Variants in JAK2 observed in about 807,000 individuals in gnomAD.
JAK2 encodes the protein Janus kinase 2, also known as tyrosine-protein kinase JAK2.
In JAK2, 86 loss-of-function variants were observed where a neutral mutation model predicts 139.3. That is an observed-to-expected ratio of 0.62 (90% CI 0.52 to 0.74). The LOEUF (loss-of-function observed/expected upper bound fraction) is 0.74. Ranked by LOEUF, JAK2 falls within the 30% of genes least tolerant of loss-of-function variation. The probability of loss-of-function intolerance (pLI) is 0.00; values close to 1 mark genes in which losing one functional copy is unlikely to be tolerated. For missense variants in JAK2, 1,421 were observed against 1,360.3 expected, an observed-to-expected ratio of 1.04 and a Z score of -0.70; for synonymous variants, 490 against 437.7, an observed-to-expected ratio of 1.12 and a Z score of -1.49.
chr9:5,112,503 T>C (rs1822694009), intron 22 of JAK2: 1 of 558,586 alleles, frequency 1.8e-6, no homozygotes, highest in Non-Finnish European at 3.2e-6. Flanking sequence ...AGGAGGAAGA[T>C]GACCTTTTCC....
intron 10 of JAK2, among the ~76,000 whole-genome samples, chr9:5,068,762 G>C (rs1818743766): frequency 6.6e-6 from 1 of 152,034 alleles, no homozygotes; most frequent in South Asian, 2.1e-4. Flanking sequence ...TATTAAGGAT[G>C]GTATTGTTGC....
rs1025606658 is a variant in JAK2, at chr9:5,129,733, A to G, written c.*2942A>G. On this transcript the variant is annotated 3_prime_UTR_variant, in exon 25 of 25. Coordinates refer to ENST00000381652, the MANE Select transcript of JAK2 (RefSeq NM_004972.4). Reference sequence around the variant, plus strand: ...AAGATAACTAGCTGCTAAGCGTTTCATAATTCTCACAGTGATATTAGATTT... The same window carrying G: ...AAGATAACTAGCTGCTAAGCGTTTCGTAATTCTCACAGTGATATTAGATTT... Among the ~76,000 whole-genome samples, 7 of 152,170 alleles carry G rather than the reference A, an allele frequency of 4.6e-5. No individual in the cohort carries two copies. The highest frequency in any genetic ancestry group is 3.8e-4 in the East Asian group (2 of 5,206).
At chr9:5,045,664 T>C (rs7035030) in intron 5 of JAK2, among the ~76,000 whole-genome samples, 14,527 of 152,202 alleles carry the variant, frequency 0.095, 2,089 homozygotes, top group African/African-American at 0.32. Flanking sequence ...TGGAGTTATA[T>C]AGCATTTGTC....
chr9:5,021,719 A>G (rs1157823188), intron 2 of JAK2, among the ~76,000 whole-genome samples: 2 of 152,156 alleles, frequency 1.3e-5, no homozygotes, highest in African/African-American at 4.8e-5. Context: ...TCATCCTCCC[A>G]GGTTCAAGCA....
chr9:5,041,892 G>T, intron 4 of JAK2: 1 of 418,858 alleles, frequency 2.4e-6, no homozygotes, highest in Non-Finnish European at 4.6e-6. Flanking sequence ...CCATCAGGGC[G>T]CCTGCAGAGA....
At position 5,062,129 on chromosome 9, in the gene JAK2, C is replaced by T. The variant is rs146230635; in HGVS notation, c.1057-2754C>T. Among the ~76,000 whole-genome samples, 1,439 of 152,096 alleles carry T rather than the reference C, an allele frequency of 9.5e-3. 13 individuals carry two copies. The highest frequency in any genetic ancestry group is 0.033 in the African/African-American group (1,363 of 41,468). On this transcript the variant is annotated intron_variant, in intron 8 of 24. Transcript: ENST00000381652. Reference sequence around the variant, plus strand: ...TGAATTGTGTGGGTCCACTTATATGCAATTTTTTTTCAGCCAAACATGGAT... The same window carrying T: ...TGAATTGTGTGGGTCCACTTATATGTAATTTTTTTTCAGCCAAACATGGAT...
chr9:4,994,608 G>A (rs186166543), intron 2 of JAK2, among the ~76,000 whole-genome samples: 37 of 152,252 alleles, frequency 2.4e-4, no homozygotes, highest in Non-Finnish European at 4.7e-4. Context: ...ACTCAATTCC[G>A]CCTTTGTGGT....
At chr9:5,075,075 C>A (rs1819219572) in intron 14 of JAK2, among the ~76,000 whole-genome samples, 1 of 151,976 alleles carries the variant, frequency 6.6e-6, no homozygotes, top group Non-Finnish European at 1.5e-5. Context: ...AGAGCAAGAT[C>A]TTAATGCTCT....
At chr9:5,058,142 T>C (rs539203123) in intron 8 of JAK2, among the ~76,000 whole-genome samples, 1 of 152,354 alleles carries the variant, frequency 6.6e-6, no homozygotes, top group Non-Finnish European at 1.5e-5. Context: ...GTAATGCTGC[T>C]GTGAACATGG....
At chr9:5,076,155 A>G (rs1326500730) in intron 14 of JAK2, among the ~76,000 whole-genome samples, 2 of 152,190 alleles carry the variant, frequency 1.3e-5, no homozygotes, top group African/African-American at 4.8e-5. Flanking sequence ...TTAAGATGGA[A>G]TCTACTCCTA....
intron 13 of JAK2, 151 bp downstream of exon 13, chr9:5,072,777 T>C (rs748386710): frequency 5.8e-5 from 27 of 465,232 alleles, no homozygotes; most frequent in African/African-American, 1.0e-4. Context: ...TGTGGGGCTA[T>C]AGAATTACAG....
chr9:5,103,332 A>G (rs1235398409), intron 22 of JAK2, among the ~76,000 whole-genome samples: 1 of 146,254 alleles, frequency 6.8e-6, no homozygotes, highest in African/African-American at 2.8e-5. Context: ...AAAGGCCATT[A>G]CATAATGGTA....
chr9:5,126,417 T>C lies in JAK2; in HGVS notation c.3262T>C (p.Leu1088=), dbSNP rs747401404. 166 of 1,610,428 alleles carry C rather than the reference T, an allele frequency of 1.0e-4. 3 individuals are homozygous for C. In the South Asian group the frequency reaches 1.6e-3, roughly 16 times the overall value. ...AGAACTTTTGAAGAATAATGGAAGA[T>C]TACCAAGACCAGATGGATGCCCAGA... ...LIELLKNNGR[L]PRPDGCPDEI... Residue 1088 remains leucine (L), a synonymous_variant, in exon 24 of 25, where the codon TTA becomes CTA. Transcript: ENST00000381652.
rs149914486 is a variant in JAK2 at position 4,995,917 on chromosome 9, A to G, written c.-26+9895A>G. ...TTACTGAATGGGCATTTGCTAACTT[A>G]TGTGTCTGCTCTTATTAGTCTATTT... On this transcript the variant is annotated intron_variant, in intron 2 of 24. Transcript: ENST00000381652. Among the ~76,000 whole-genome samples the G allele has an allele frequency of 5.5e-3, 834 of 152,164 alleles. 8 individuals are homozygous for G. The highest frequency in any genetic ancestry group is 0.019 in the African/African-American group (798 of 41,510).
At chr9:5,098,235 G>A (rs779933400) in intron 22 of JAK2, 1 of 152,070 alleles carries the variant, frequency 6.6e-6, no homozygotes, top group Non-Finnish European at 1.5e-5. Flanking sequence ...CCAGAAACTG[G>A]TTTCAAGCCA....
intron 22 of JAK2, among the ~76,000 whole-genome samples, chr9:5,120,974 C>G (rs1823574352): frequency 6.6e-6 from 1 of 152,000 alleles, no homozygotes; most frequent in Non-Finnish European, 1.5e-5. Context: ...AAACAAAGGT[C>G]AAAGATATGG....
chr9:5,117,313 G>A (rs1823271341), intron 22 of JAK2, among the ~76,000 whole-genome samples: 1 of 152,248 alleles, frequency 6.6e-6, no homozygotes, highest in Non-Finnish European at 1.5e-5. Context: ...TTAGTAGACA[G>A]TGCGTAAGGT....
chr9:5,058,058 A>T (rs1284995787), intron 8 of JAK2, among the ~76,000 whole-genome samples: 3 of 152,172 alleles, frequency 2.0e-5, no homozygotes, highest in African/African-American at 7.2e-5. Context: ...ATTCTGTGTC[A>T]TGTATATACC....
Position 5,045,081 on chromosome 9 carries a change from G to C in JAK2, c.468+561G>C, listed in dbSNP as rs375236176. ...TTGTATTGTGTTGGTATTTCATAAT[G>C]CTTTCTTCTCTATTACCTTGATTTA... On this transcript the variant is annotated intron_variant, in intron 5 of 24. Transcript: ENST00000381652. Among the ~76,000 whole-genome samples, 8 of 152,240 alleles carry C rather than the reference G, an allele frequency of 5.3e-5. No homozygotes were observed. The East Asian group carries it at 1.2e-3, about 22-fold the overall frequency.
Sources: gnomAD v4.1 joint callset for allele counts (sites outside exome capture counted in the v4.1 genomes callset) on GRCh38, gnomAD v4.1.1 for gene constraint, MANE v1.5 for transcripts, NCBI Gene and HGNC (gene_info 2026-07-23, HGNC 2026-07-21) for gene names.